The following CCSER1 variants were observed in gnomAD, a reference collection of about 807,000 sequenced individuals.
CCSER1 encodes the protein serine-rich coiled-coil domain-containing protein 1.
A neutral mutation model predicts 82.0 loss-of-function variants in CCSER1; 41 were observed. The ratio of observed to expected loss-of-function variants is 0.50; its 90% CI spans 0.39 to 0.65. CCSER1 has a LOEUF of 0.65. Among genes scored for constraint, CCSER1 ranks in the 30% least tolerant of loss-of-function variants. The pLI is 0.00. For missense variants in CCSER1, 1,119 were observed against 1,064.2 expected (o/e 1.05, Z -0.72); for synonymous variants, 414 against 383.9 (o/e 1.08, Z -0.92).
rs11941526 is a variant in CCSER1 at position 91,129,610 on chromosome 4, G to C, written c.2217+43616G>C. Among the ~76,000 whole-genome samples the C allele has an allele frequency of 2.9e-3, 435 of 152,084 alleles. 1 individual carries two copies. The highest frequency in any genetic ancestry group is 9.9e-3 in the African/African-American group (410 of 41,520). ...GGACCAAAATAAGAATGTCTATAGA[G>C]AGAGACGAGTTAAAGAATTTGAAAT... is the stretch of plus-strand genomic sequence containing the variant. On this transcript the variant is annotated intron_variant, in intron 10 of 10. Transcript: ENST00000509176.
At chr4:91,563,864 A>C (rs927156388) in intron 10 of CCSER1, among the ~76,000 whole-genome samples, 1 of 151,866 alleles carries the variant, frequency 6.6e-6, no homozygotes, top group African/African-American at 2.4e-5. Flanking sequence ...ATGCAAAATA[A>C]GCATACAAAG....
chr4:90,645,068 G>A (rs1373346592), intron 6 of CCSER1, among the ~76,000 whole-genome samples: 1 of 147,648 alleles, frequency 6.8e-6, no homozygotes, highest in Non-Finnish European at 1.5e-5. Context: ...GGCAACAAGA[G>A]TAAAACTCCG....
intron 6 of CCSER1, among the ~76,000 whole-genome samples, chr4:90,656,231 T>C (rs577827194): frequency 2.7e-4 from 41 of 152,002 alleles, no homozygotes; most frequent in Non-Finnish European, 5.2e-4. Flanking sequence ...GTTTTCTCCT[T>C]TGTGTCCTGC....
At chr4:90,587,911 C>T (rs1309281618) in intron 5 of CCSER1, among the ~76,000 whole-genome samples, 2 of 152,260 alleles carry the variant, frequency 1.3e-5, no homozygotes, top group East Asian at 1.9e-4. Context: ...AAGTGAATAT[C>T]ACAGTAAAAT....
At chr4:90,232,135 A>T (rs991444720) in intron 1 of CCSER1, among the ~76,000 whole-genome samples, 7 of 152,204 alleles carry the variant, frequency 4.6e-5, no homozygotes, top group African/African-American at 1.4e-4. Flanking sequence ...TAAAGTTCCT[A>T]TGAAACCAAA....
chr4:90,308,178 GT>G, intron 1 of CCSER1, 65 bp from the exon 2 acceptor site: 1 of 1,194,138 alleles, frequency 8.4e-7, no homozygotes, highest in East Asian at 2.6e-5. Context: ...GCAATATTTT[GT>G]TTTAAAATGT....
rs11544914 is a variant in CCSER1, at chr4:90,838,897, G to C, written c.2094+23052G>C. ...TGTACAGTGCATATTGGCGGCGCACGCCTCATTACGATTCGCCTGCTTGCT... is the reference window on the plus strand; with the variant it reads ...TGTACAGTGCATATTGGCGGCGCACCCCTCATTACGATTCGCCTGCTTGCT... On this transcript the variant is annotated intron_variant, in intron 8 of 10. Coordinates refer to ENST00000509176, the MANE Select transcript of CCSER1 (RefSeq NM_001145065.2). 722 of 1,613,140 alleles carry C rather than the reference G, an allele frequency of 4.5e-4. 1 individual carries two copies. Among genetic ancestry groups the C allele is most frequent in the Non-Finnish European group, 5.8e-4 (684 of 1,179,974 alleles).
intron 10 of CCSER1, among the ~76,000 whole-genome samples, chr4:91,283,256 C>T (rs1743051979): frequency 1.3e-5 from 2 of 152,150 alleles, no homozygotes; most frequent in South Asian, 4.1e-4. Context: ...GCCCTTCATA[C>T]ACAATTAATA....
intron 1 of CCSER1, among the ~76,000 whole-genome samples, chr4:90,301,867 ATGT>A (rs1295410000): frequency 1.3e-5 from 2 of 152,154 alleles, no homozygotes; most frequent in South Asian, 2.1e-4. Flanking sequence ...AGCAGTTATG[ATGT>A]TGTTACATTT....
intron 1 of CCSER1, among the ~76,000 whole-genome samples, chr4:90,242,274 T>C (rs1747011960): frequency 6.6e-6 from 1 of 152,244 alleles, no homozygotes; most frequent in Non-Finnish European, 1.5e-5. Context: ...GCCAGTGCAC[T>C]CTAGCCTGGG....
chr4:90,256,389 G>C (rs1723286115), intron 1 of CCSER1, among the ~76,000 whole-genome samples: 1 of 152,116 alleles, frequency 6.6e-6, no homozygotes, highest in South Asian at 2.1e-4. Flanking sequence ...TCTCTGGGGT[G>C]GGCATTATTG....
At chr4:90,152,734 C>A (rs1479457817) in intron 1 of CCSER1, among the ~76,000 whole-genome samples, 1 of 151,990 alleles carries the variant, frequency 6.6e-6, no homozygotes, top group Non-Finnish European at 1.5e-5. Flanking sequence ...TAAATTGGAT[C>A]AGATGGTAGA....
intron 1 of CCSER1, among the ~76,000 whole-genome samples, chr4:90,271,972 G>C (rs529604144): frequency 1.4e-5 from 2 of 147,826 alleles, no homozygotes; most frequent in Non-Finnish European, 3.0e-5. Flanking sequence ...ACGGAAGCAG[G>C]CACCTTTTTT....
At chr4:90,894,790 G>T (rs1240859109) in intron 8 of CCSER1, among the ~76,000 whole-genome samples, 1 of 151,902 alleles carries the variant, frequency 6.6e-6, no homozygotes, top group Non-Finnish European at 1.5e-5. Context: ...CACTTTCCAT[G>T]TGCTGGACAC....
chr4:90,815,986 T>G (rs1758961371), intron 8 of CCSER1, 141 bp downstream of exon 8: 1 of 524,968 alleles, frequency 1.9e-6, no homozygotes, highest in African/African-American at 1.9e-5. Context: ...TTTTTATAAT[T>G]CTGTCATGAA....
At chr4:90,425,215 T>C (rs1314807085) in intron 4 of CCSER1, among the ~76,000 whole-genome samples, 1 of 152,210 alleles carries the variant, frequency 6.6e-6, no homozygotes, top group South Asian at 2.1e-4. Flanking sequence ...ATAAACACTT[T>C]CATGATTAGT....
At chr4:90,948,876 T>C (rs1732574413) in intron 9 of CCSER1, among the ~76,000 whole-genome samples, 1 of 151,972 alleles carries the variant, frequency 6.6e-6, no homozygotes, top group Non-Finnish European at 1.5e-5. Flanking sequence ...CCTTAGGCTA[T>C]GAACCATATA....
At chr4:90,785,940 T>C (rs1459992178) in intron 7 of CCSER1, among the ~76,000 whole-genome samples, 3 of 152,236 alleles carry the variant, frequency 2.0e-5, no homozygotes, top group Non-Finnish European at 4.4e-5. Context: ...AATACTCATA[T>C]AGTTTGCATT....
chr4:91,018,364 C>G (rs1218449551), intron 9 of CCSER1, among the ~76,000 whole-genome samples: 1 of 152,080 alleles, frequency 6.6e-6, no homozygotes, highest in African/African-American at 2.4e-5. Flanking sequence ...TTGAATTTAT[C>G]TCCAAATATG....
Sources: gnomAD v4.1 joint callset for allele counts (sites outside exome capture counted in the v4.1 genomes callset) on GRCh38, gnomAD v4.1.1 for gene constraint, MANE v1.5 for transcripts, NCBI Gene and HGNC (gene_info 2026-07-23, HGNC 2026-07-21) for gene names.